The following NIPAL3 variants were observed in gnomAD, a reference collection of about 807,000 sequenced individuals.
NIPAL3 encodes NIPA like domain containing 3.
Under a neutral mutation model 47.2 loss-of-function variants are expected in NIPAL3, and 41 were observed. The ratio of observed to expected loss-of-function variants is 0.87; its 90% CI spans 0.68 to 1.13. The LOEUF (loss-of-function observed/expected upper bound fraction) is 1.13, where lower values mean the gene tolerates loss of function less well. Among genes scored for constraint, NIPAL3 ranks in the 50% most tolerant of loss-of-function variants. The probability of loss-of-function intolerance (pLI) is 0.00; values close to 1 mark genes in which losing one functional copy is unlikely to be tolerated. For synonymous variants in NIPAL3, 194 were observed against 209.6 expected, an observed-to-expected ratio of 0.93 and a Z score of 0.64; for missense variants, 449 against 530.1, an observed-to-expected ratio of 0.85 and a Z score of 1.50.
chr1:24,453,940 T>C (rs1022396294), intron 7 of NIPAL3: 13 of 429,454 alleles, frequency 3.0e-5, no homozygotes, highest in African/African-American at 1.9e-4. Context: ...GATTTTGTCA[T>C]CTATTTTTTC....
At chr1:24,440,671 C>T (rs903633026) in intron 3 of NIPAL3, among the ~76,000 whole-genome samples, 20 of 152,212 alleles carry the variant, frequency 1.3e-4, no homozygotes, top group African/African-American at 4.3e-4. Flanking sequence ...TCTGAGTTCA[C>T]AAGCAGCTGT....
Position 24,454,626 on chromosome 1 carries a change from A to T in NIPAL3, c.637+1122A>T. On this transcript the variant is annotated intron_variant, in intron 7 of 11. Transcript: ENST00000374399. The surrounding 1 kb of genome is among the most constrained non-coding windows in gnomAD (Gnocchi z 4.1). The stretch of plus-strand genomic sequence containing the variant: ...AGTATACAATTCAGTGGTTTTTAGT[A>T]TTTCATAGAGTTGTGAAACCATCAT... 1.2e-6 allele frequency: 1 copy of T among 846,956 alleles called. No homozygotes were observed. The highest frequency in any genetic ancestry group is 1.4e-6 in the Non-Finnish European group (1 of 703,786). The allele number at this position is 846,956 out of a possible 1,614,324, so 52.5% of individuals were successfully genotyped here. A position where few individuals can be genotyped will look rare whatever the true frequency, so the allele number is the denominator to read the frequency against.
At chr1:24,444,877 A>G (rs1406232626) in intron 4 of NIPAL3, among the ~76,000 whole-genome samples, 1 of 152,102 alleles carries the variant, frequency 6.6e-6, no homozygotes, top group Non-Finnish European at 1.5e-5. Context: ...CCCATTTGTC[A>G]AATAGGAATA....
At chr1:24,444,392 A>G (rs1282861528) in intron 4 of NIPAL3, among the ~76,000 whole-genome samples, 1 of 152,198 alleles carries the variant, frequency 6.6e-6, no homozygotes, top group Non-Finnish European at 1.5e-5. Flanking sequence ...GGAGAAAAGG[A>G]AGACCTGATT....
chr1:24,468,296 C>T (rs919630658), intron 11 of NIPAL3, among the ~76,000 whole-genome samples: 2 of 152,096 alleles, frequency 1.3e-5, no homozygotes, highest in Non-Finnish European at 2.9e-5. Context: ...GCCTGGGCGA[C>T]AGAGCAAGAC....
chr1:24,417,384 C>G (rs1002014328), intron 1 of NIPAL3, among the ~76,000 whole-genome samples: 4 of 152,192 alleles, frequency 2.6e-5, no homozygotes, highest in African/African-American at 9.7e-5. Context: ...AGAAAGAACC[C>G]TGAGCCACTC....
chr1:24,432,886 G>A (rs1422982608), intron 2 of NIPAL3, among the ~76,000 whole-genome samples: 1 of 152,192 alleles, frequency 6.6e-6, no homozygotes, highest in African/African-American at 2.4e-5. Flanking sequence ...GCTCTCTCTA[G>A]TAAACCCGAT....
At position 24,453,391 on chromosome 1, in the gene NIPAL3, C is replaced by G; in HGVS notation, c.541-17C>G. On this transcript the variant is annotated splice_polypyrimidine_tract_variant and intron_variant, in intron 6 of 11. Coordinates refer to ENST00000374399, the MANE Select transcript of NIPAL3 (RefSeq NM_020448.5). The stretch of plus-strand genomic sequence containing the variant: ...TCTGTGGTCCCCACTGACCCCCCTG[C>G]TTGCTGCCTTCCACAGCTGGTGGAG... 1 of 1,606,166 alleles carries G rather than the reference C, an allele frequency of 6.2e-7. No individual in the cohort carries two copies. Among genetic ancestry groups the G allele is most frequent in the Non-Finnish European group, 8.5e-7 (1 of 1,173,228 alleles).
intron 11 of NIPAL3, chr1:24,466,332 A>G: frequency 2.9e-6 from 1 of 344,358 alleles, no homozygotes; most frequent in East Asian, 5.1e-5. Flanking sequence ...AAATAAAAGA[A>G]CACAAACAGG....
At chr1:24,443,568 C>T (rs968559292) in intron 4 of NIPAL3, among the ~76,000 whole-genome samples, 1 of 152,206 alleles carries the variant, frequency 6.6e-6, no homozygotes, top group Non-Finnish European at 1.5e-5. Context: ...ATTCTCAGTG[C>T]TTCCAACAGT....
At chr1:24,422,722 C>T (rs974602904) in intron 2 of NIPAL3, among the ~76,000 whole-genome samples, 1 of 152,184 alleles carries the variant, frequency 6.6e-6, no homozygotes, top group Admixed American at 6.5e-5. Context: ...CAGGCCACCA[C>T]GTCTTAGCAG....
intron 2 of NIPAL3, among the ~76,000 whole-genome samples, chr1:24,421,152 C>G (rs1414990344): frequency 1.3e-5 from 2 of 151,882 alleles, no homozygotes; most frequent in Non-Finnish European, 2.9e-5. Context: ...AACCCTGTCT[C>G]TACCAAAAAT....
At chr1:24,447,765 T>C (rs949641186) in intron 5 of NIPAL3, among the ~76,000 whole-genome samples, 3 of 152,202 alleles carry the variant, frequency 2.0e-5, no homozygotes. Flanking sequence ...AGCAGTGCCC[T>C]GTGTGACTTG....
intron 2 of NIPAL3, among the ~76,000 whole-genome samples, chr1:24,434,204 C>A (rs150591921): frequency 6.6e-6 from 1 of 151,954 alleles, no homozygotes; most frequent in African/African-American, 2.4e-5. Context: ...AAAAGATTCC[C>A]TTTAAATTCA....
intron 2 of NIPAL3, among the ~76,000 whole-genome samples, chr1:24,434,378 A>G (rs1645007251): frequency 6.6e-6 from 1 of 152,232 alleles, no homozygotes; most frequent in African/African-American, 2.4e-5. Flanking sequence ...TGAAGGGGTA[A>G]ATTCATCAAG....
At chr1:24,419,706 AT>A in intron 2 of NIPAL3, 66 bp downstream of exon 2, 1 of 1,397,136 alleles carries the variant, frequency 7.2e-7, no homozygotes, top group Non-Finnish European at 1.0e-6. Context: ...AGTGCTCTGC[AT>A]TGGCTAACAG....
intron 2 of NIPAL3, among the ~76,000 whole-genome samples, chr1:24,422,620 C>T (rs1434794742): frequency 2.0e-5 from 3 of 152,176 alleles, no homozygotes; most frequent in African/African-American, 7.2e-5. Flanking sequence ...TCAGGTAAAT[C>T]AGATAATCAG....
intron 2 of NIPAL3, among the ~76,000 whole-genome samples, chr1:24,435,831 T>C (rs1020474298): frequency 4.6e-5 from 7 of 152,166 alleles, no homozygotes; most frequent in Non-Finnish European, 8.8e-5. Flanking sequence ...CTTAGTTCAT[T>C]TGGGCTGCTG....
At chr1:24,446,008 T>G (rs973838336) in intron 5 of NIPAL3, among the ~76,000 whole-genome samples, 1 of 151,806 alleles carries the variant, frequency 6.6e-6, no homozygotes, top group African/African-American at 2.4e-5. Context: ...CCATGTTGTG[T>G]TATAGGTGCT....
Sources: allele counts gnomAD v4.1 joint callset (sites outside exome capture counted in the v4.1 genomes callset), GRCh38; gene constraint gnomAD v4.1.1; non-coding constraint Gnocchi (gnomAD v3.1); transcripts MANE v1.5; gene names NCBI Gene and HGNC (gene_info 2026-07-23, HGNC 2026-07-21).